The following CCBE1 variants were observed in gnomAD, a reference collection of about 807,000 sequenced individuals.
CCBE1 encodes collagen and calcium binding EGF domains 1, also known as collagen and calcium-binding EGF domain-containing protein 1.
Under a neutral mutation model 50.0 loss-of-function variants are expected in CCBE1, and 37 were observed. The ratio of observed to expected loss-of-function variants is 0.74; its 90% CI spans 0.57 to 0.97. CCBE1 has a LOEUF of 0.97. Ranked by LOEUF, CCBE1 falls within the 50% of genes least tolerant of loss-of-function variation. The pLI is 0.00. For synonymous variants in CCBE1, 234 were observed against 203.7 expected, an observed-to-expected ratio of 1.15 and a Z score of -1.27; for missense variants, 538 against 523.8, an observed-to-expected ratio of 1.03 and a Z score of -0.26.
At chr18:59,592,922 A>G (rs1355942760) in intron 2 of CCBE1, among the ~76,000 whole-genome samples, 1 of 152,212 alleles carries the variant, frequency 6.6e-6, no homozygotes, top group Non-Finnish European at 1.5e-5. Context: ...ATAAAAAAAA[A>G]GGAAGGAAAC....
intron 3 of CCBE1, among the ~76,000 whole-genome samples, chr18:59,471,459 G>A (rs1385003376): frequency 3.3e-5 from 5 of 152,184 alleles, no homozygotes; most frequent in Middle Eastern, 3.4e-3. Flanking sequence ...ATTTTGGTGC[G>A]GTAATTGTTA....
intron 2 of CCBE1, among the ~76,000 whole-genome samples, chr18:59,518,787 G>A (rs934058035): frequency 6.6e-6 from 1 of 152,164 alleles, no homozygotes. Flanking sequence ...TTGCCTGAAG[G>A]CTTTCTCTGG....
intron 5 of CCBE1, among the ~76,000 whole-genome samples, chr18:59,460,971 T>TAAATAAATAAA: frequency 1.0e-5 from 1 of 96,214 alleles, no homozygotes; most frequent in Non-Finnish European, 2.4e-5. Flanking sequence ...AAATAAATAA[T>TAAATAAATAAA]AAAATAAAAA....
At chr18:59,459,187 C>G (rs1911346858) in intron 5 of CCBE1, 1 of 152,166 alleles carries the variant, frequency 6.6e-6, no homozygotes, top group Admixed American at 6.5e-5. Flanking sequence ...ATTCAGTTCT[C>G]TACAAAATCA....
At chr18:59,507,708 C>T (rs1428368148) in intron 2 of CCBE1, among the ~76,000 whole-genome samples, 1 of 152,170 alleles carries the variant, frequency 6.6e-6, no homozygotes, top group African/African-American at 2.4e-5. Context: ...CACCATGAAA[C>T]CAAATGAACT....
intron 2 of CCBE1, among the ~76,000 whole-genome samples, chr18:59,651,280 C>T (rs1190187284): frequency 9.2e-5 from 14 of 152,210 alleles, no homozygotes; most frequent in Admixed American, 8.5e-4. Context: ...TGAGTTGTTG[C>T]AGGCACTGGG....
At chr18:59,500,486 G>T (rs1318095318) in intron 2 of CCBE1, among the ~76,000 whole-genome samples, 1 of 152,144 alleles carries the variant, frequency 6.6e-6, no homozygotes, top group Admixed American at 6.5e-5. Flanking sequence ...TCTAGTAGAA[G>T]CCTCCCAGCA....
chr18:59,642,332 C>T (rs1225587219), intron 2 of CCBE1, among the ~76,000 whole-genome samples: 4 of 152,128 alleles, frequency 2.6e-5, no homozygotes, highest in African/African-American at 9.7e-5. Flanking sequence ...ATCACAGTGC[C>T]AACTGTCCAG....
chr18:59,469,742 A>G (rs1042379055), intron 3 of CCBE1, 135 bp from the exon 4 acceptor site: 22 of 1,174,678 alleles, frequency 1.9e-5, no homozygotes, highest in Non-Finnish European at 2.6e-5. Context: ...ACTTGGAGGG[A>G]CAGGAACTCT....
chr18:59,693,958 G>A (rs1011239175), intron 2 of CCBE1, among the ~76,000 whole-genome samples: 5 of 122,570 alleles, frequency 4.1e-5, no homozygotes, highest in African/African-American at 1.5e-4. Context: ...TGCAACCTCC[G>A]CCTCCTGGTT....
intron 2 of CCBE1, among the ~76,000 whole-genome samples, chr18:59,555,294 G>A (rs1394335245): frequency 6.6e-6 from 1 of 152,192 alleles, no homozygotes; most frequent in Admixed American, 6.5e-5. Context: ...TCTTGGGAGG[G>A]AAGGAGTTGA....
At chr18:59,530,188 A>T (rs760587121) in intron 2 of CCBE1, among the ~76,000 whole-genome samples, 1 of 152,174 alleles carries the variant, frequency 6.6e-6, no homozygotes, top group Non-Finnish European at 1.5e-5. Context: ...GCCCACTGGC[A>T]GAGAAGAGGC....
At chr18:59,580,945 G>A (rs546667203) in intron 2 of CCBE1, among the ~76,000 whole-genome samples, 15 of 152,258 alleles carry the variant, frequency 9.9e-5, no homozygotes, top group South Asian at 4.1e-4. Context: ...CATCTCTCCC[G>A]TGGATGAGGA....
chr18:59,517,916 A>C (rs551019549), intron 2 of CCBE1, among the ~76,000 whole-genome samples: 25 of 152,288 alleles, frequency 1.6e-4, no homozygotes, highest in African/African-American at 6.0e-4. Context: ...GATCTGTCAC[A>C]AGATCATTAT....
intron 2 of CCBE1, among the ~76,000 whole-genome samples, chr18:59,485,636 A>G (rs2143789047): frequency 8.2e-6 from 1 of 122,686 alleles, no homozygotes; most frequent in East Asian, 2.2e-4. Flanking sequence ...TTTGAGATGG[A>G]GCATTGCTCT....
At chr18:59,584,362 A>AG in intron 2 of CCBE1, among the ~76,000 whole-genome samples, 2 of 85,392 alleles carry the variant, frequency 2.3e-5, no homozygotes, top group East Asian at 8.1e-4. Context: ...GGGTCGGGGG[A>AG]GGGGGGAGGG....
At chr18:59,530,319 T>G (rs1330107318) in intron 2 of CCBE1, among the ~76,000 whole-genome samples, 1 of 151,618 alleles carries the variant, frequency 6.6e-6, no homozygotes, top group Non-Finnish European at 1.5e-5. Context: ...AAAAAAAAAA[T>G]GCTAAAAGAT....
intron 2 of CCBE1, among the ~76,000 whole-genome samples, chr18:59,681,890 A>C (rs1241951778): frequency 2.0e-5 from 3 of 152,222 alleles, no homozygotes; most frequent in African/African-American, 7.2e-5. Flanking sequence ...CCTGGGCTGT[A>C]AACTAAATGC....
intron 2 of CCBE1, among the ~76,000 whole-genome samples, chr18:59,524,723 G>A (rs908262080): frequency 3.3e-5 from 5 of 151,622 alleles, no homozygotes; most frequent in Non-Finnish European, 5.9e-5. Flanking sequence ...AGACTTGCAT[G>A]CATTAGCTAT....
Sources: gnomAD v4.1 joint callset for allele counts (sites outside exome capture counted in the v4.1 genomes callset) on GRCh38, gnomAD v4.1.1 for gene constraint, MANE v1.5 for transcripts, NCBI Gene and HGNC (gene_info 2026-07-23, HGNC 2026-07-21) for gene names.